Variants in SMAD2 observed in about 807,000 individuals in gnomAD.
SMAD2 encodes the protein SMAD family member 2, also known as MAD homolog 2.
A neutral mutation model predicts 64.4 loss-of-function variants in SMAD2; 8 were observed. That is an observed-to-expected ratio of 0.12 (90% CI 0.07 to 0.22). The LOEUF (loss-of-function observed/expected upper bound fraction) is 0.22, where lower values mean the gene tolerates loss of function less well. Among genes scored for constraint, SMAD2 ranks in the 10% least tolerant of loss-of-function variants. SMAD2 has a pLI of 1.00. For synonymous variants in SMAD2, 203 were observed against 195.8 expected (o/e 1.04, Z -0.31); for missense variants, 289 against 561.2 (o/e 0.51, Z 4.90).
chr18:47,865,018 A>G (rs1469543473), intron 6 of SMAD2, 41 bp downstream of exon 6: 5 of 1,110,630 alleles, frequency 4.5e-6, no homozygotes, highest in African/African-American at 1.5e-5. Context: ...CAAGAAATGT[A>G]TATCTAATAA....
intron 2 of SMAD2, among the ~76,000 whole-genome samples, chr18:47,891,745 TA>T (rs896897253): frequency 6.6e-5 from 10 of 151,366 alleles, no homozygotes; most frequent in Admixed American, 6.6e-4. Context: ...ATCAGAATGC[TA>T]AAAAAAATAG....
At chr18:47,871,353 A>G (rs942898045) in intron 2 of SMAD2, among the ~76,000 whole-genome samples, 5 of 152,246 alleles carry the variant, frequency 3.3e-5, no homozygotes, top group Non-Finnish European at 5.9e-5. Flanking sequence ...CAAAACTTCA[A>G]TGCGGATAAA....
At chr18:47,861,282 C>G (rs548086068) in intron 6 of SMAD2, among the ~76,000 whole-genome samples, 1 of 152,144 alleles carries the variant, frequency 6.6e-6, no homozygotes, top group African/African-American at 2.4e-5. Context: ...TGAGATCATG[C>G]CATTGCACTC....
rs955628973 is a variant in SMAD2, at chr18:47,840,149, A to G, written c.*1678T>C. 4 of 233,066 alleles carry G rather than the reference A, an allele frequency of 1.7e-5. No individual in the cohort carries two copies. The highest frequency in any genetic ancestry group is 8.8e-5 in the African/African-American group (4 of 45,348). 14.4% of individuals were successfully genotyped at this position (233,066 alleles called of 1,614,324 possible). Reference sequence around the variant, plus strand: ...ACATACATATACACACAAATATAGGAAAATGGGGAGTACCCAATAGAAAAC... The same window carrying G: ...ACATACATATACACACAAATATAGGGAAATGGGGAGTACCCAATAGAAAAC... On this transcript the variant is annotated 3_prime_UTR_variant, in exon 11 of 11. Transcript: ENST00000262160.
At chr18:47,919,725 T>G (rs2034489019) in intron 1 of SMAD2, among the ~76,000 whole-genome samples, 1 of 152,174 alleles carries the variant, frequency 6.6e-6, no homozygotes, top group Non-Finnish European at 1.5e-5. Context: ...TAACCTTCAC[T>G]GATTAGAGCC....
In SMAD2 at chr18:47,831,264, A is replaced by G. The variant is rs1912979606; in HGVS notation, c.*10563T>C. The stretch of plus-strand genomic sequence containing the variant: ...CAATAACACCGTCCAGTTTTCATGT[A>G]TATCCAGACACACAGGTGAGAGTTC... On this transcript the variant is annotated 3_prime_UTR_variant, in exon 11 of 11. Transcript: ENST00000262160. 1 of 152,228 alleles carries G rather than the reference A, an allele frequency of 6.6e-6. No homozygotes were observed. Among genetic ancestry groups the G allele is most frequent in the African/African-American group, 2.4e-5 (1 of 41,458 alleles). The allele number at this position is 152,228 out of a possible 1,614,324, so 9.4% of individuals were successfully genotyped here. A position where few individuals can be genotyped will look rare whatever the true frequency, so the allele number is the denominator to read the frequency against.
rs541959275 is a variant in SMAD2 at position 47,882,214 on chromosome 18, G to A, written c.237-11650C>T. 1.6e-4 allele frequency: 24 copies of A among 150,008 alleles called. No individual in the cohort carries two copies. In the South Asian group the frequency reaches 4.9e-3, roughly 30 times the overall value. The allele number at this position is 150,008 out of a possible 1,614,324, so 9.3% of individuals were successfully genotyped here. ...TTAATTTTTCTTTTTTCGGGGGTGG[G>A]GGACAAGGTCCCAATGTCTCATGCA... On this transcript the variant is annotated intron_variant, in intron 2 of 10. Transcript: ENST00000262160.
intron 2 of SMAD2, among the ~76,000 whole-genome samples, chr18:47,871,937 A>G (rs560161557): frequency 1.3e-5 from 2 of 152,198 alleles, no homozygotes; most frequent in African/African-American, 2.4e-5. Context: ...ATAATTAACA[A>G]AAGTGTAGCA....
At chr18:47,853,695 G>A (rs185296725) in intron 6 of SMAD2, among the ~76,000 whole-genome samples, 22 of 152,024 alleles carry the variant, frequency 1.4e-4, no homozygotes, top group East Asian at 3.9e-4. Flanking sequence ...AAGACAGTAC[G>A]GTCTTCCACA....
intron 8 of SMAD2, 142 bp downstream of exon 8, chr18:47,848,333 T>TGCACTTAAATGTGTCG: frequency 1.4e-6 from 1 of 693,128 alleles, no homozygotes; most frequent in South Asian, 1.6e-5. Flanking sequence ...GTGAAGCCTG[T>TGCACTTAAATGTGTCG]GCACTTAAAT....
In SMAD2 at chr18:47,823,708, G is replaced by C. The variant is rs920272793; in HGVS notation, c.*18119C>G. 1 of 152,196 alleles carries C rather than the reference G, an allele frequency of 6.6e-6. No homozygotes were observed. Among genetic ancestry groups the C allele is most frequent in the Admixed American group, 6.5e-5 (1 of 15,288 alleles). 9.4% of individuals were successfully genotyped at this position (152,196 alleles called of 1,614,324 possible). Reference sequence around the variant, plus strand: ...TAGACATTTTTCCTAAGACATCAGAGCAAGAATTGTATTACAATTTGATTT... The same window carrying C: ...TAGACATTTTTCCTAAGACATCAGACCAAGAATTGTATTACAATTTGATTT... On this transcript the variant is annotated 3_prime_UTR_variant, in exon 11 of 11. Transcript: ENST00000262160.
At chr18:47,841,999 C>A (rs796427422) in intron 10 of SMAD2, 49 bp from the exon 11 acceptor site, 2 of 1,605,054 alleles carry the variant, frequency 1.2e-6, no homozygotes, top group African/African-American at 2.7e-5. Flanking sequence ...AGTCCACAGG[C>A]AGGGAAAATG....
Position 47,903,889 on chromosome 18 carries a change from G to A in SMAD2, c.-53-7080C>T, listed in dbSNP as rs541416687. 4.5e-3 allele frequency among the ~76,000 whole-genome samples: 434 copies of A among 95,850 alleles called. 23 individuals are homozygous for A. Among genetic ancestry groups the A allele is most frequent in the African/African-American group, 0.014 (395 of 27,244 alleles). The allele number at this position is 95,850 out of a possible 152,430, so 62.9% of individuals were successfully genotyped here. On this transcript the variant is annotated intron_variant, in intron 1 of 10. Transcript: ENST00000262160. ...GAAAAAACAGTGTGGGGGGGGGGGG[G>A]ACTCAGAATATCCAAAACCAAATGT... is the stretch of plus-strand genomic sequence containing the variant.
At chr18:47,843,899 CT>C (rs1914218546) in intron 10 of SMAD2, among the ~76,000 whole-genome samples, 1 of 152,136 alleles carries the variant, frequency 6.6e-6, no homozygotes, top group Non-Finnish European at 1.5e-5. Context: ...GGAATTCTCT[CT>C]GTAATTCACT....
intron 2 of SMAD2, among the ~76,000 whole-genome samples, chr18:47,880,351 A>G (rs1900402979): frequency 6.6e-6 from 1 of 152,174 alleles, no homozygotes; most frequent in South Asian, 2.1e-4. Flanking sequence ...ATTCTTCCAC[A>G]TGGATATTCA....
At chr18:47,842,011 CTA>C (rs1204058393) in intron 10 of SMAD2, 61 bp from the exon 11 acceptor site, 32 of 1,581,118 alleles carry the variant, frequency 2.0e-5, no homozygotes, top group Non-Finnish European at 2.8e-5. Flanking sequence ...GGGAAAATGG[CTA>C]TGTTTAGGTA....
intron 10 of SMAD2, among the ~76,000 whole-genome samples, chr18:47,844,283 CAA>C (rs1315410083): frequency 6.6e-6 from 1 of 152,098 alleles, no homozygotes; most frequent in African/African-American, 2.4e-5. Flanking sequence ...TTAAGATAGA[CAA>C]GCAAGTCCAA....
rs574350684 is a variant in SMAD2, at chr18:47,927,913, T to C, written c.-54+2448A>G. Among the ~76,000 whole-genome samples the C allele has an allele frequency of 6.6e-5, 10 of 152,208 alleles. No individual in the cohort carries two copies. In the East Asian group the frequency reaches 1.9e-3, roughly 29 times the overall value. ...AACTCCGTCTCAAAATAAAATAAAATAAAATATATAAATGCATAATCTCTC... is the reference window on the plus strand; with the variant it reads ...AACTCCGTCTCAAAATAAAATAAAACAAAATATATAAATGCATAATCTCTC... On this transcript the variant is annotated intron_variant, in intron 1 of 10. Coordinates refer to ENST00000262160, the MANE Select transcript of SMAD2 (RefSeq NM_005901.6).
intron 1 of SMAD2, among the ~76,000 whole-genome samples, chr18:47,898,075 T>C (rs2033518342): frequency 6.6e-6 from 1 of 152,166 alleles, no homozygotes; most frequent in Non-Finnish European, 1.5e-5. Context: ...GATCAGACAA[T>C]AGTTTTTAAA....
Sources: allele counts gnomAD v4.1 joint callset (sites outside exome capture counted in the v4.1 genomes callset), GRCh38; gene constraint gnomAD v4.1.1; transcripts MANE v1.5; gene names NCBI Gene and HGNC (gene_info 2026-07-23, HGNC 2026-07-21).